ANTXR1: variants seen among roughly 807,000 people sequenced by gnomAD.
The protein encoded by ANTXR1 is ANTXR cell adhesion molecule 1, also known as anthrax toxin receptor 1.
Under a neutral mutation model 78.1 loss-of-function variants are expected in ANTXR1, and 19 were observed. The ratio of observed to expected loss-of-function variants is 0.24; its 90% CI spans 0.17 to 0.36. ANTXR1 has a LOEUF of 0.36. Ranked by LOEUF, ANTXR1 falls within the 10% of genes least tolerant of loss-of-function variation. The pLI is 1.00. For synonymous variants in ANTXR1, 273 were observed against 260.5 expected (o/e 1.05, Z -0.46); for missense variants, 518 against 718.6 (o/e 0.72, Z 3.19).
chr2:69,193,899 G>A (rs529209333), intron 17 of ANTXR1, among the ~76,000 whole-genome samples: 3 of 152,304 alleles, frequency 2.0e-5, no homozygotes, highest in South Asian at 2.1e-4. Flanking sequence ...CTTCCCAGCA[G>A]GTGTGGGGCC....
chr2:69,144,489 G>C (rs1054289204), intron 12 of ANTXR1, among the ~76,000 whole-genome samples: 4 of 152,178 alleles, frequency 2.6e-5, no homozygotes, highest in African/African-American at 9.7e-5. Flanking sequence ...CTGTACCAGA[G>C]AAAGGGGGAG....
intron 17 of ANTXR1, among the ~76,000 whole-genome samples, chr2:69,206,345 T>C (rs74702857): frequency 0.014 from 2,084 of 152,332 alleles, 46 homozygotes; most frequent in East Asian, 0.098. Flanking sequence ...AGGTGAATTG[T>C]AATGGAAAAC....
chr2:69,217,295 A>G (rs1393278917), intron 17 of ANTXR1, among the ~76,000 whole-genome samples: 2 of 152,172 alleles, frequency 1.3e-5, no homozygotes, highest in Non-Finnish European at 2.9e-5. Context: ...TCCAGCTCAC[A>G]CAAGTGGCCC....
At chr2:69,078,615 C>T (rs4854538) in intron 8 of ANTXR1, among the ~76,000 whole-genome samples, 73,522 of 151,978 alleles carry the variant, frequency 0.48, 18,110 homozygotes, top group Middle Eastern at 0.58. Flanking sequence ...CATTGGCCCA[C>T]GTACTTAACA....
intron 5 of ANTXR1, among the ~76,000 whole-genome samples, chr2:69,072,768 A>G (rs1288474695): frequency 1.3e-5 from 2 of 152,192 alleles, no homozygotes; most frequent in Non-Finnish European, 2.9e-5. Context: ...TTTAGTGACC[A>G]TTTCATCAGG....
intron 13 of ANTXR1, among the ~76,000 whole-genome samples, chr2:69,162,793 C>T (rs1021568958): frequency 2.6e-5 from 4 of 152,080 alleles, no homozygotes; most frequent in African/African-American, 9.7e-5. Context: ...TCTCCTGTAA[C>T]ATGAAATGTG....
intron 13 of ANTXR1, among the ~76,000 whole-genome samples, chr2:69,163,649 T>G (rs756363900): frequency 6.6e-6 from 1 of 152,142 alleles, no homozygotes; most frequent in Non-Finnish European, 1.5e-5. Context: ...CTATTGACAG[T>G]GCTATGTAAA....
chr2:69,225,964 A>T (rs937974124), intron 17 of ANTXR1, among the ~76,000 whole-genome samples: 1 of 152,174 alleles, frequency 6.6e-6, no homozygotes, highest in African/African-American at 2.4e-5. Context: ...CTTTTTGCTT[A>T]TTCATAATTT....
At chr2:69,173,211 G>A (rs1674038434) in intron 14 of ANTXR1, among the ~76,000 whole-genome samples, 1 of 152,170 alleles carries the variant, frequency 6.6e-6, no homozygotes, top group African/African-American at 2.4e-5. Flanking sequence ...TTCTCTCTGG[G>A]AATTTATTCC....
chr2:69,241,518 G>T (rs539847635), intron 17 of ANTXR1, among the ~76,000 whole-genome samples: 25 of 152,270 alleles, frequency 1.6e-4, no homozygotes, highest in African/African-American at 6.0e-4. Flanking sequence ...CAAATTGTGT[G>T]CAGTGCACTG....
chr2:69,196,248 A>G (rs1413267781), intron 17 of ANTXR1, among the ~76,000 whole-genome samples: 1 of 152,262 alleles, frequency 6.6e-6, no homozygotes, highest in African/African-American at 2.4e-5. Flanking sequence ...GATTTGAGAT[A>G]TAAGAAGCTT....
chr2:69,193,951 G>T (rs2104476727), intron 17 of ANTXR1, among the ~76,000 whole-genome samples: 1 of 152,350 alleles, frequency 6.6e-6, no homozygotes, highest in Non-Finnish European at 1.5e-5. Context: ...CCCAGGTGAG[G>T]ATTTGTCTTG....
chr2:69,180,034 CCT>C (rs1278607069), intron 14 of ANTXR1, among the ~76,000 whole-genome samples: 11 of 152,154 alleles, frequency 7.2e-5, no homozygotes, highest in Non-Finnish European at 1.3e-4. Flanking sequence ...TCTGCTGTGA[CCT>C]CTCTGTCCTT....
chr2:69,242,237 C>G (rs1285696872), intron 17 of ANTXR1, among the ~76,000 whole-genome samples: 2 of 152,180 alleles, frequency 1.3e-5, no homozygotes, highest in African/African-American at 4.8e-5. Flanking sequence ...ACGGCGGCAG[C>G]TGGAAGTGCT....
intron 3 of ANTXR1, among the ~76,000 whole-genome samples, chr2:69,069,875 C>G (rs1670514793): frequency 6.6e-6 from 1 of 152,160 alleles, no homozygotes; most frequent in African/African-American, 2.4e-5. Context: ...TCAAACCCTT[C>G]ATAGGGTTAC....
intron 13 of ANTXR1, among the ~76,000 whole-genome samples, chr2:69,169,495 C>T (rs189443893): frequency 6.6e-6 from 1 of 152,244 alleles, no homozygotes; most frequent in Non-Finnish European, 1.5e-5. Context: ...GGACTGCTCA[C>T]TGGCCCCAGC....
chr2:69,217,533 AC>A (rs2104506166), intron 17 of ANTXR1, among the ~76,000 whole-genome samples: 1 of 152,214 alleles, frequency 6.6e-6, no homozygotes, highest in South Asian at 2.1e-4. Context: ...CTAATGACCC[AC>A]TCTGAACTTG....
At chr2:69,017,877 A>T (rs190502204) in intron 1 of ANTXR1, among the ~76,000 whole-genome samples, 1 of 152,194 alleles carries the variant, frequency 6.6e-6, no homozygotes, top group African/African-American at 2.4e-5. Flanking sequence ...ACCCACAGAC[A>T]TAACTACCTT....
intron 17 of ANTXR1, among the ~76,000 whole-genome samples, chr2:69,218,840 C>G (rs1260378274): frequency 6.6e-6 from 1 of 152,138 alleles, no homozygotes; most frequent in Non-Finnish European, 1.5e-5. Context: ...CCTGCCCCAC[C>G]TAGACTCACC....
Sources: gnomAD v4.1 joint callset for allele counts (sites outside exome capture counted in the v4.1 genomes callset) on GRCh38, gnomAD v4.1.1 for gene constraint, MANE v1.5 for transcripts, NCBI Gene and HGNC (gene_info 2026-07-23, HGNC 2026-07-21) for gene names.